DNAH9: variants seen among roughly 807,000 people sequenced by gnomAD.
DNAH9 encodes dynein axonemal heavy chain 9, also known as DNAH9 variant protein.
Under a neutral mutation model 471.6 loss-of-function variants are expected in DNAH9, and 345 were observed. That is an observed-to-expected ratio of 0.73 (90% CI 0.67 to 0.80). The LOEUF (loss-of-function observed/expected upper bound fraction) is 0.80. DNAH9 is among the 30% of genes least tolerant of loss of function. The probability of loss-of-function intolerance (pLI) is 0.00; values close to 1 mark genes in which losing one functional copy is unlikely to be tolerated. For missense variants in DNAH9, 5,407 were observed against 5,609.2 expected, an observed-to-expected ratio of 0.96 and a Z score of 1.15; for synonymous variants, 2,093 against 2,123.6, an observed-to-expected ratio of 0.99 and a Z score of 0.40.
intron 61 of DNAH9, among the ~76,000 whole-genome samples, chr17:11,923,275 C>T (rs1246956515): frequency 1.3e-5 from 2 of 151,914 alleles, no homozygotes; most frequent in Non-Finnish European, 2.9e-5. Context: ...TGAGGTTTCA[C>T]TATGTTGGCC....
intron 67 of DNAH9, among the ~76,000 whole-genome samples, chr17:11,946,199 C>CAAAAAAAA (rs34028612): frequency 2.1e-5 from 1 of 47,330 alleles, no homozygotes; most frequent in Non-Finnish European, 4.0e-5. Flanking sequence ...GAGTCCATCT[C>CAAAAAAAA]AAAAAAAAAA....
chr17:11,899,586 C>G (rs1416089220), intron 59 of DNAH9, among the ~76,000 whole-genome samples: 2 of 152,218 alleles, frequency 1.3e-5, no homozygotes, highest in Non-Finnish European at 1.5e-5. Context: ...TCTAGAGCTT[C>G]AAGAAAGTGT....
chr17:11,729,643 G>T (rs2075223330), intron 28 of DNAH9, among the ~76,000 whole-genome samples: 1 of 152,120 alleles, frequency 6.6e-6, no homozygotes, highest in Non-Finnish European at 1.5e-5. Context: ...AGGCAAGAGT[G>T]CGGGATTGAG....
rs1977049528 is a variant in DNAH9 at position 11,969,614 on chromosome 17, T to C, written c.*87T>C. 9.3e-7 allele frequency: 1 copy of C among 1,078,562 alleles called. No homozygotes were observed. The highest frequency in any genetic ancestry group is 1.6e-5 in the African/African-American group (1 of 62,362). 66.8% of individuals were successfully genotyped at this position (1,078,562 alleles called of 1,614,324 possible). A position where few individuals can be genotyped will look rare whatever the true frequency, so the allele number is the denominator to read the frequency against. ...GTGGGTGAAGGGTCACCACAGACAC[T>C]TAGAACGGTAAGAAACCATGAGCAC... On this transcript the variant is annotated 3_prime_UTR_variant, in exon 69 of 69. Coordinates refer to ENST00000262442, the MANE Select transcript of DNAH9 (RefSeq NM_001372.4).
chr17:11,832,339 CA>C (rs149355606), intron 48 of DNAH9, among the ~76,000 whole-genome samples: 2 of 149,874 alleles, frequency 1.3e-5, no homozygotes, highest in Non-Finnish European at 1.5e-5. Context: ...AAACAACAAC[CA>C]AAAAAAAAGC....
At chr17:11,738,829 C>T (rs1399869623) in intron 28 of DNAH9, 51 bp from the exon 29 acceptor site, 1 of 1,558,328 alleles carries the variant, frequency 6.4e-7, no homozygotes, top group African/African-American at 1.4e-5. Context: ...GTTATGATCC[C>T]TCCACTAAAA....
rs571762246 is a variant in DNAH9 at position 11,628,681 on chromosome 17, C to T, written c.1351-736C>T. On this transcript the variant is annotated intron_variant, in intron 6 of 68. Transcript: ENST00000262442. ...GGACGATTTTGCAGCTCTGTTTTTC[C>T]GTCAACATCCCTTAGGATTGCTGTC... 5.3e-5 allele frequency among the ~76,000 whole-genome samples: 8 copies of T among 152,270 alleles called. No homozygotes were observed. In the East Asian group the frequency reaches 5.8e-4, roughly 11 times the overall value.
chr17:11,622,737 C>T (rs2072893859), intron 6 of DNAH9, among the ~76,000 whole-genome samples: 1 of 152,150 alleles, frequency 6.6e-6, no homozygotes, highest in African/African-American at 2.4e-5. Context: ...CACCAGCCTC[C>T]CTAGCGTCAT....
At chr17:11,645,192 T>C (rs968255089) in intron 11 of DNAH9, among the ~76,000 whole-genome samples, 7 of 152,224 alleles carry the variant, frequency 4.6e-5, no homozygotes, top group African/African-American at 1.7e-4. Flanking sequence ...ATTGTCTTGA[T>C]TTCTCCTTCT....
chr17:11,720,358 C>A (rs909427594), intron 27 of DNAH9, among the ~76,000 whole-genome samples: 1 of 151,960 alleles, frequency 6.6e-6, no homozygotes, highest in Non-Finnish European at 1.5e-5. Flanking sequence ...ATTAACTCAT[C>A]ATTTATATTA....
At chr17:11,905,232 C>CAA (rs34723706) in intron 60 of DNAH9, among the ~76,000 whole-genome samples, 1 of 137,370 alleles carries the variant, frequency 7.3e-6, no homozygotes, top group African/African-American at 2.9e-5. Flanking sequence ...GAATCCATCT[C>CAA]AAAAAAAAAA....
At chr17:11,633,425 G>A in intron 8 of DNAH9, among the ~76,000 whole-genome samples, 1 of 152,188 alleles carries the variant, frequency 6.6e-6, no homozygotes, top group East Asian at 1.9e-4. Flanking sequence ...TTCAGTTTCT[G>A]GGCACTGAAA....
At chr17:11,893,373 T>C (rs1458219970) in intron 58 of DNAH9, among the ~76,000 whole-genome samples, 1 of 152,124 alleles carries the variant, frequency 6.6e-6, no homozygotes, top group Non-Finnish European at 1.5e-5. Flanking sequence ...CAAGACGCAA[T>C]CCAAAACTAC....
At position 11,690,357 on chromosome 17, in the gene DNAH9, G is replaced by A; in HGVS notation, c.4535G>A (p.Trp1512Ter). Residue 1512 changes from tryptophan to a stop codon, truncating the protein, a stop_gained, in exon 20 of 69, where the codon TGG becomes TAG. Transcript: ENST00000262442. LOFTEE classifies it high-confidence loss of function. ...ACAGTGGACGCTGTCATCTCTATCTGGTTTGAAGTGCAGCGAACATGGACT... is the reference window on the plus strand; with the variant it reads ...ACAGTGGACGCTGTCATCTCTATCTAGTTTGAAGTGCAGCGAACATGGACT... ...LSTVDAVISI[W>*]FEVQRTWTHL... 1 of 1,614,134 alleles carries A rather than the reference G, an allele frequency of 6.2e-7. No homozygotes were observed. Among genetic ancestry groups the A allele is most frequent in the Non-Finnish European group, 8.5e-7 (1 of 1,180,034 alleles).
Position 11,892,060 on chromosome 17 carries a change from T to C in DNAH9, c.11283+113T>C. The C allele has an allele frequency of 7.0e-6, 9 of 1,288,356 alleles. 1 individual carries two copies. The South Asian group carries it at 1.2e-4, about 18-fold the overall frequency. The allele number at this position is 1,288,356 out of a possible 1,614,324, so 79.8% of individuals were successfully genotyped here. A position where few individuals can be genotyped will look rare whatever the true frequency, so the allele number is the denominator to read the frequency against. ...CACTTTCCACAGCATGTCCAGACTATCTGTCTTTGGATAGAGGCATCAGAC... is the reference window on the plus strand; with the variant it reads ...CACTTTCCACAGCATGTCCAGACTACCTGTCTTTGGATAGAGGCATCAGAC... On this transcript the variant is annotated intron_variant, in intron 58 of 68. Coordinates refer to ENST00000262442, the MANE Select transcript of DNAH9 (RefSeq NM_001372.4). This position sits in a 1 kb window ranked among gnomAD's most constrained non-coding sequence, Gnocchi z 4.3.
intron 13 of DNAH9, among the ~76,000 whole-genome samples, chr17:11,651,967 C>T (rs548921001): frequency 4.0e-5 from 6 of 151,360 alleles, no homozygotes; most frequent in East Asian, 1.9e-4. Flanking sequence ...GAGATTAATT[C>T]GAATTAGGGT....
intron 4 of DNAH9, chr17:11,612,539 C>T (rs1257494108): frequency 6.6e-6 from 1 of 152,344 alleles, no homozygotes; most frequent in Non-Finnish European, 1.5e-5. Context: ...TATTCCATTT[C>T]TAGCTCCATT....
intron 28 of DNAH9, among the ~76,000 whole-genome samples, chr17:11,733,860 C>CA (rs57515310): frequency 6.3e-4 from 71 of 113,128 alleles, no homozygotes; most frequent in African/African-American, 9.2e-4. Context: ...GACTCCATCT[C>CA]AAAAAAAAAA....
chr17:11,685,654 T>A (rs1480690047), intron 19 of DNAH9, among the ~76,000 whole-genome samples: 1 of 152,028 alleles, frequency 6.6e-6, no homozygotes, highest in Admixed American at 6.6e-5. Flanking sequence ...TGATTGAATG[T>A]GGGAGATGGA....
Sources: allele counts gnomAD v4.1 joint callset (sites outside exome capture counted in the v4.1 genomes callset), GRCh38; gene constraint gnomAD v4.1.1; non-coding constraint Gnocchi (gnomAD v3.1); transcripts MANE v1.5; gene names NCBI Gene and HGNC (gene_info 2026-07-23, HGNC 2026-07-21).